Variants in CARS1 observed in about 807,000 individuals in gnomAD.
The protein encoded by CARS1 is cysteinyl-tRNA synthetase 1.
A neutral mutation model predicts 106.2 loss-of-function variants in CARS1; 48 were observed. The ratio of observed to expected loss-of-function variants is 0.45; its 90% CI spans 0.36 to 0.57. The LOEUF (loss-of-function observed/expected upper bound fraction) is 0.57. Ranked by LOEUF, CARS1 falls within the 20% of genes least tolerant of loss-of-function variation. The pLI, the probability that CARS1 is intolerant of heterozygous loss-of-function variation, is 0.00. For missense variants in CARS1, 968 were observed against 1,057.2 expected (o/e 0.92, Z 1.17); for synonymous variants, 409 against 403.4 (o/e 1.01, Z -0.17).
Position 3,021,737 on chromosome 11 carries a change from C to T in CARS1, c.1154-1405G>A, listed in dbSNP as rs1460035749. On this transcript the variant is annotated intron_variant, in intron 10 of 22. Transcript: ENST00000380525. The surrounding 1 kb of genome is among the most constrained non-coding windows in gnomAD (Gnocchi z 5.3). ...AACAAACACACAAAAACACAAAAAA[C>T]CTCTGCAAGCAAAATCCAGATCTAT... Among the ~76,000 whole-genome samples, 1 of 152,156 alleles carries T rather than the reference C, an allele frequency of 6.6e-6. No homozygotes were observed. The highest frequency in any genetic ancestry group is 1.5e-5 in the Non-Finnish European group (1 of 68,032).
chr11:3,032,374 A>C (rs1852966819), intron 7 of CARS1, among the ~76,000 whole-genome samples: 1 of 151,992 alleles, frequency 6.6e-6, no homozygotes, highest in Non-Finnish European at 1.5e-5. Context: ...CCCGGCCAAT[A>C]ACTGGTAGGT....
Position 3,043,827 on chromosome 11 carries a change from G to A in CARS1, c.275-1571C>T, listed in dbSNP as rs923968546. On this transcript the variant is annotated intron_variant, in intron 2 of 22. Coordinates refer to ENST00000380525, the MANE Select transcript of CARS1 (RefSeq NM_001014437.3). This position sits in a 1 kb window ranked among gnomAD's most constrained non-coding sequence, Gnocchi z 4.0. Reference sequence around the variant, plus strand: ...GGCTGCACTGTGTCTGGGCAGTGGGGGTACTGTGGGCAGGTGGGAGATGGG... The same window carrying A: ...GGCTGCACTGTGTCTGGGCAGTGGGAGTACTGTGGGCAGGTGGGAGATGGG... 6.6e-6 allele frequency among the ~76,000 whole-genome samples: 1 copy of A among 152,136 alleles called. No individual in the cohort carries two copies. The highest frequency in any genetic ancestry group is 1.5e-5 in the Non-Finnish European group (1 of 68,022).
Position 3,028,952 on chromosome 11 carries a change from T to C in CARS1, c.1031+44A>G, listed in dbSNP as rs1590417397. ...AGCTGGGGAGCTCCTCCCTGTGCGA[T>C]GTTCTGCAGCCCTTCCCTCCCTAGG... On this transcript the variant is annotated intron_variant, in intron 9 of 22. Transcript: ENST00000380525. The surrounding 1 kb of genome is among the most constrained non-coding windows in gnomAD (Gnocchi z 4.4). 4 of 1,348,496 alleles carry C rather than the reference T, an allele frequency of 3.0e-6. No homozygotes were observed. Among genetic ancestry groups the C allele is most frequent in the Non-Finnish European group, 2.1e-6 (2 of 938,764 alleles). The allele number at this position is 1,348,496 out of a possible 1,614,324, so 83.5% of individuals were successfully genotyped here. A position where few individuals can be genotyped will look rare whatever the true frequency, so the allele number is the denominator to read the frequency against.
chr11:3,032,016 C>T (rs1469671495), intron 7 of CARS1, among the ~76,000 whole-genome samples: 741 of 11,784 alleles, frequency 0.063, 67 homozygotes, highest in African/African-American at 0.17. Context: ...CCCTCCCTCC[C>T]TCCCTCCCTC....
chr11:3,005,374 T>C lies in CARS1; in HGVS notation c.2209A>G (p.Lys737Glu). 1 of 1,612,502 alleles carries C rather than the reference T, an allele frequency of 6.2e-7. No individual in the cohort carries two copies. The highest frequency in any genetic ancestry group is 8.5e-7 in the Non-Finnish European group (1 of 1,178,594). The change falls in exon 20 of 23, where the codon AAG (lysine) becomes GAG (glutamate). Residue 737 changes from lysine (K) to glutamate (E), a missense_variant. By Grantham distance (56) the Lys-to-Glu change is moderately conservative. Transcript: ENST00000380525. ...ATTTTCACTTTACTCACCCGTCTCT[T>C]TTCTTCTCTCTCTTTTAATAAGGTG... Reference protein sequence around the residue: ...RNTLLKEREEKRRVEEEKRKK... With the variant: ...RNTLLKEREEERRVEEEKRKK...
chr11:3,028,912 C>T lies in CARS1; in HGVS notation c.1031+84G>A. On this transcript the variant is annotated intron_variant, in intron 9 of 22. Transcript: ENST00000380525. The surrounding 1 kb of genome is among the most constrained non-coding windows in gnomAD (Gnocchi z 4.4). ...CCAGAACACCTGCTCCTCTGCTTCC[C>T]AAACTCAGGCTCAGAGCTGGGGAGC... 2.1e-6 allele frequency: 2 copies of T among 963,232 alleles called. No homozygotes were observed. Among genetic ancestry groups the T allele is most frequent in the South Asian group, 2.7e-5 (2 of 74,050 alleles). 59.7% of individuals were successfully genotyped at this position (963,232 alleles called of 1,614,324 possible).
chr11:3,027,971 G>A (rs1852284558), intron 9 of CARS1: 1 of 417,946 alleles, frequency 2.4e-6, no homozygotes. Context: ...GTTATCCGGA[G>A]GCCTAACCGT....
chr11:3,005,511 T>A, intron 19 of CARS1, 78 bp from the exon 20 acceptor site: 1 of 1,140,454 alleles, frequency 8.8e-7, no homozygotes, highest in Non-Finnish European at 1.3e-6. Flanking sequence ...TGCCCTGCCC[T>A]GCCCTGCCCA....
At chr11:3,026,832 T>C (rs377382821) in intron 9 of CARS1, 35 bp from the exon 10 acceptor site, 3 of 1,593,380 alleles carry the variant, frequency 1.9e-6, no homozygotes. Context: ...TGGGTGCATC[T>C]AACAGACCCG....
intron 1 of CARS1, 85 bp downstream of exon 1, chr11:3,057,257 TA>T: frequency 8.2e-7 from 1 of 1,213,042 alleles, no homozygotes; most frequent in Non-Finnish European, 1.2e-6. Flanking sequence ...CCCTCAGACA[TA>T]AGGACTCGCT....
intron 2 of CARS1, 90 bp from the exon 3 acceptor site, chr11:3,042,346 G>C: frequency 1.2e-6 from 1 of 822,342 alleles, no homozygotes; most frequent in Non-Finnish European, 2.0e-6. Flanking sequence ...TTTTTACAAC[G>C]GGACCATAGT....
intron 19 of CARS1, 150 bp from the exon 20 acceptor site, chr11:3,005,583 C>T (rs1052980643): frequency 1.7e-6 from 1 of 602,950 alleles, no homozygotes; most frequent in Non-Finnish European, 3.0e-6. Context: ...CAAAAACCTC[C>T]ATAGCAGCAG....
Position 3,001,116 on chromosome 11 carries a change from A to G in CARS1, c.2494T>C (p.Ter832ArgextTer8), listed in dbSNP as rs761361193. Reference sequence around the variant, plus strand: ...TAAAAAGTCAGTCCTGTGCCCCCTCACTGGAAGCTTCCATTCTGGGCCATC... The same window carrying G: ...TAAAAAGTCAGTCCTGTGCCCCCTCGCTGGAAGCTTCCATTCTGGGCCATC... Reference protein sequence around the residue: ...LQMAQNGSFQ* With the variant: ...LQMAQNGSFQR Residue 832 changes from the stop codon to arginine (R), a stop_lost, in exon 23 of 23, where the codon TGA becomes CGA. Transcript: ENST00000380525. 6.2e-7 allele frequency: 1 copy of G among 1,613,980 alleles called. No homozygotes were observed. Among genetic ancestry groups the G allele is most frequent in the Admixed American group, 1.7e-5 (1 of 60,028 alleles).
At position 3,042,264 on chromosome 11, in the gene CARS1, G is replaced by A. The variant is rs116083217; in HGVS notation, c.275-8C>T. On this transcript the variant is annotated splice_polypyrimidine_tract_variant and splice_region_variant and intron_variant, in intron 2 of 22. Transcript: ENST00000380525. ...GCACACGCCGGCCTTTGCCTGGGAGGCAGAGAGAGCAGGATCAGGGTCCAG... is the reference window on the plus strand; with the variant it reads ...GCACACGCCGGCCTTTGCCTGGGAGACAGAGAGAGCAGGATCAGGGTCCAG... 1,874 of 1,607,934 alleles carry A rather than the reference G, an allele frequency of 1.2e-3. 24 individuals are homozygous for A. The African/African-American group carries it at 0.022, about 19-fold the overall frequency.
rs1852648209 is a variant in CARS1 at position 3,030,713 on chromosome 11, A to G, written c.802-1270T>C. The G allele has an allele frequency of 6.6e-6, 1 of 152,240 alleles. No individual in the cohort carries two copies. The highest frequency in any genetic ancestry group is 1.5e-5 in the Non-Finnish European group (1 of 68,054). The allele number at this position is 152,240 out of a possible 1,614,324, so 9.4% of individuals were successfully genotyped here. A position where few individuals can be genotyped will look rare whatever the true frequency, so the allele number is the denominator to read the frequency against. On this transcript the variant is annotated intron_variant, in intron 7 of 22. Coordinates refer to ENST00000380525, the MANE Select transcript of CARS1 (RefSeq NM_001014437.3). The surrounding 1 kb of genome is among the most constrained non-coding windows in gnomAD (Gnocchi z 5.7). The stretch of plus-strand genomic sequence containing the variant: ...AGTTATCAGATACATAATAAAATCC[A>G]GTAAATATTACAGGCTTAAAGACAT...
intron 1 of CARS1, among the ~76,000 whole-genome samples, chr11:3,054,349 A>C (rs1855984449): frequency 6.6e-6 from 1 of 152,238 alleles, no homozygotes; most frequent in South Asian, 2.1e-4. Flanking sequence ...GGGTGATCAG[A>C]CAGCAATATT....
intron 10 of CARS1, among the ~76,000 whole-genome samples, chr11:3,024,075 T>C (rs1387146959): frequency 6.6e-6 from 1 of 152,064 alleles, no homozygotes; most frequent in African/African-American, 2.4e-5. Flanking sequence ...GTATTTTTAG[T>C]AGAGATGGGG....
At position 3,012,228 on chromosome 11, in the gene CARS1, C is replaced by T. The variant is rs1472504866; in HGVS notation, c.2035G>A (p.Glu679Lys). 1 of 1,614,136 alleles carries T rather than the reference C, an allele frequency of 6.2e-7. No homozygotes were observed. Among genetic ancestry groups the T allele is most frequent in the Non-Finnish European group, 8.5e-7 (1 of 1,180,048 alleles). Residue 679 changes from glutamate to lysine, a missense_variant, in exon 18 of 23, where the codon GAA (glutamate) becomes AAA (lysine). Physicochemically the swap from Glu to Lys is moderately conservative, Grantham distance 56. Coordinates refer to ENST00000380525, the MANE Select transcript of CARS1 (RefSeq NM_001014437.3). ...PYLQVLSEFREGVRKIAREQK... is the reference protein window; with the variant it reads ...PYLQVLSEFRKGVRKIAREQK... ...TCTCGGGCAATCTTCCGCACTCCTT[C>T]TCGGAATTCTGATAACACCTGAAGG...
Position 3,021,549 on chromosome 11 carries a change from C to T in CARS1, c.1154-1217G>A, listed in dbSNP as rs1325227484. On this transcript the variant is annotated intron_variant, in intron 10 of 22. Coordinates refer to ENST00000380525, the MANE Select transcript of CARS1 (RefSeq NM_001014437.3). This position sits in a 1 kb window ranked among gnomAD's most constrained non-coding sequence, Gnocchi z 5.3. Reference sequence around the variant, plus strand: ...AACAGAGTCCAGAGGAAAAGCACCGCTAAATATATTTTTCTAAACACCAAG... The same window carrying T: ...AACAGAGTCCAGAGGAAAAGCACCGTTAAATATATTTTTCTAAACACCAAG... Among the ~76,000 whole-genome samples the T allele has an allele frequency of 6.6e-6, 1 of 152,090 alleles. No individual in the cohort carries two copies. Among genetic ancestry groups the T allele is most frequent in the Non-Finnish European group, 1.5e-5 (1 of 68,024 alleles).
Sources: allele counts gnomAD v4.1 joint callset (sites outside exome capture counted in the v4.1 genomes callset), GRCh38; gene constraint gnomAD v4.1.1; non-coding constraint Gnocchi (gnomAD v3.1); transcripts MANE v1.5; gene names NCBI Gene and HGNC (gene_info 2026-07-23, HGNC 2026-07-21).